Variants in AS3MT observed in about 807,000 individuals in gnomAD.
The protein encoded by AS3MT is S-adenosyl-L-methionine:arsenic(III) methyltransferase.
AS3MT carries 47 observed loss-of-function variants against 45.3 expected under a neutral mutation model. The observed-to-expected ratio is 1.04, with a 90% confidence interval of 0.82 to 1.32. AS3MT has a LOEUF of 1.32. AS3MT is among the 40% of genes most tolerant of loss of function. AS3MT has a pLI of 0.00. For synonymous variants in AS3MT, 141 were observed against 152.8 expected (o/e 0.92, Z 0.57); for missense variants, 396 against 451.1 (o/e 0.88, Z 1.11).
intron 5 of AS3MT, among the ~76,000 whole-genome samples, chr10:102,873,921 G>T (rs1384206430): frequency 2.0e-5 from 3 of 152,170 alleles, no homozygotes; most frequent in Admixed American, 1.3e-4. Context: ...AGTGACAGCT[G>T]CCTTTGAGGA....
intron 4 of AS3MT, 27 bp downstream of exon 4, chr10:102,872,625 G>A: frequency 6.4e-7 from 1 of 1,569,186 alleles, no homozygotes. Context: ...AAGACAAGGA[G>A]AAAAAGATTC....
In AS3MT at chr10:102,892,904, C is replaced by T. The variant is rs542030120; in HGVS notation, c.1020+2226C>T. 3.6e-3 allele frequency among the ~76,000 whole-genome samples: 542 copies of T among 151,666 alleles called. 3 individuals carry two copies. Among genetic ancestry groups the T allele is most frequent in the African/African-American group, 0.013 (525 of 41,366 alleles). On this transcript the variant is annotated intron_variant, in intron 10 of 10. Transcript: ENST00000369880. ...CTGAGGCAGGAGAATTGCTTGAGCCCGGGAGGCGGAGGTTGCAATGAGACG... is the reference window on the plus strand; with the variant it reads ...CTGAGGCAGGAGAATTGCTTGAGCCTGGGAGGCGGAGGTTGCAATGAGACG...
Position 102,872,460 on chromosome 10 carries a change from T to C in AS3MT, c.183T>C (p.Cys61=), listed in dbSNP as rs80317306. ...HEEVALRYYG[C]GLVIPEHLEN... ...TTCCATTTCCCAGATATTATGGCTG[T>C]GGTCTGGTGATCCCTGAGCATCTAG... Residue 61 remains cysteine (C), a synonymous_variant, in exon 4 of 11, where the codon TGT becomes TGC. Transcript: ENST00000369880. The C allele has an allele frequency of 6.2e-7, 1 of 1,613,344 alleles. No homozygotes were observed. The highest frequency in any genetic ancestry group is 8.5e-7 in the Non-Finnish European group (1 of 1,179,878).
intron 3 of AS3MT, among the ~76,000 whole-genome samples, chr10:102,872,186 G>A (rs1442435507): frequency 6.6e-6 from 1 of 152,132 alleles, no homozygotes; most frequent in Non-Finnish European, 1.5e-5. Context: ...CGCCCAGCCT[G>A]AACACATTAT....
intron 2 of AS3MT, 36 bp from the exon 3 acceptor site, chr10:102,870,048 C>T (rs773551995): frequency 3.7e-6 from 6 of 1,610,616 alleles, no homozygotes; most frequent in Middle Eastern, 3.3e-4. Flanking sequence ...TCTTCTCCCT[C>T]TCTACCCCTC....
chr10:102,875,020 G>A (rs1339427561), intron 6 of AS3MT, among the ~76,000 whole-genome samples: 1 of 152,152 alleles, frequency 6.6e-6, no homozygotes, highest in Admixed American at 6.6e-5. Flanking sequence ...CTTCTAGCAT[G>A]TACAGTGTTT....
chr10:102,879,853 A>G (rs1844846640), intron 9 of AS3MT, among the ~76,000 whole-genome samples: 1 of 151,340 alleles, frequency 6.6e-6, no homozygotes. Context: ...CCTATATTTC[A>G]GCAATTGAGA....
rs1186595873 is a variant in AS3MT at position 102,876,946 on chromosome 10, T to G, written c.529-8T>G. 3 of 1,613,932 alleles carry G rather than the reference T, an allele frequency of 1.9e-6. No homozygotes were observed. The highest frequency in any genetic ancestry group is 1.7e-4 in the Middle Eastern group (1 of 6,060). On this transcript the variant is annotated splice_region_variant and splice_polypyrimidine_tract_variant and intron_variant, in intron 6 of 10. Coordinates refer to ENST00000369880, the MANE Select transcript of AS3MT (RefSeq NM_020682.4). ...CATCTTGTTTGGACTAATATGCCTC[T>G]GTTTCAGCATGGTGGGGAGTTATAT...
Position 102,900,708 on chromosome 10 carries a change from G to A in AS3MT, c.*8G>A. 6.2e-7 allele frequency: 1 copy of A among 1,607,460 alleles called. No individual in the cohort carries two copies. The highest frequency in any genetic ancestry group is 8.5e-7 in the Non-Finnish European group (1 of 1,174,006). ...ACAAAGAAAAGCTGCTAAATCTATA[G>A]CCAACCAGGGGACCACAGTAGTGGG... On this transcript the variant is annotated 3_prime_UTR_variant, in exon 11 of 11. Transcript: ENST00000369880.
intron 10 of AS3MT, among the ~76,000 whole-genome samples, chr10:102,891,128 C>T (rs2134128257): frequency 2.0e-5 from 3 of 152,298 alleles, no homozygotes; most frequent in Middle Eastern, 6.8e-3. Flanking sequence ...AGCCCACTTG[C>T]CCAACTCCCG....
intron 10 of AS3MT, among the ~76,000 whole-genome samples, chr10:102,896,066 G>A (rs1050997099): frequency 1.3e-5 from 2 of 151,528 alleles, no homozygotes; most frequent in Admixed American, 6.6e-5. Flanking sequence ...ATGAGCCACC[G>A]TGCCCGGCCA....
intron 9 of AS3MT, among the ~76,000 whole-genome samples, chr10:102,889,527 A>G (rs1845023035): frequency 6.6e-6 from 1 of 152,072 alleles, no homozygotes; most frequent in African/African-American, 2.4e-5. Flanking sequence ...TATTGTGATT[A>G]ATGCTGCAGT....
intron 9 of AS3MT, among the ~76,000 whole-genome samples, chr10:102,889,194 C>T (rs1845019017): frequency 6.6e-6 from 1 of 151,822 alleles, no homozygotes; most frequent in Non-Finnish European, 1.5e-5. Context: ...CCGGCCAAAC[C>T]CTATATTTAT....
Position 102,870,106 on chromosome 10 carries a change from A to G in AS3MT, c.65A>G (p.Lys22Arg). The change falls in exon 3 of 11, where the codon AAG becomes AGG. Residue 22 changes from lysine (K) to arginine (R), a missense_variant. Coordinates refer to ENST00000369880, the MANE Select transcript of AS3MT (RefSeq NM_020682.4). ...DVQTYYGQVL[K>R]RSADLQTNGC... Reference sequence around the variant, plus strand: ...CAGACCTACTACGGGCAGGTGCTGAAGAGATCGGCAGACCTCCAGACCAAC... The same window carrying G: ...CAGACCTACTACGGGCAGGTGCTGAGGAGATCGGCAGACCTCCAGACCAAC... The G allele has an allele frequency of 6.2e-7, 1 of 1,614,124 alleles. No individual in the cohort carries two copies. The highest frequency in any genetic ancestry group is 8.5e-7 in the Non-Finnish European group (1 of 1,180,030).
Position 102,900,837 on chromosome 10 carries a change from A to T in AS3MT, c.*137A>T. 1 of 633,768 alleles carries T rather than the reference A, an allele frequency of 1.6e-6. No individual in the cohort carries two copies. The highest frequency in any genetic ancestry group is 2.9e-5 in the East Asian group (1 of 34,024). 39.3% of individuals were successfully genotyped at this position (633,768 alleles called of 1,614,324 possible). ...AGTGGCTCATGCCTATAATCCCAGC[A>T]CTTTGGGAGGCCGAGGCAGGCAGAT... On this transcript the variant is annotated 3_prime_UTR_variant, in exon 11 of 11. Transcript: ENST00000369880.
chr10:102,896,890 C>T (rs959240671), intron 10 of AS3MT, among the ~76,000 whole-genome samples: 4 of 151,498 alleles, frequency 2.6e-5, no homozygotes, highest in Non-Finnish European at 4.4e-5. Flanking sequence ...TTCTGTTGTT[C>T]GAAGAAGGTG....
chr10:102,897,375 C>T (rs574625293), intron 10 of AS3MT, among the ~76,000 whole-genome samples: 9 of 130,544 alleles, frequency 6.9e-5, no homozygotes, highest in Non-Finnish European at 1.5e-4. Flanking sequence ...CAGAGTGAGG[C>T]TCCGTCTCAA....
rs752381804 is a variant in AS3MT at position 102,900,600 on chromosome 10, T to C, written c.1028T>C (p.Ile343Thr). 1.9e-6 allele frequency: 3 copies of C among 1,613,306 alleles called. No individual in the cohort carries two copies. In the African/African-American group the frequency reaches 4.0e-5, roughly 22 times the overall value. Residue 343 changes from isoleucine (I) to threonine (T), a missense_variant, in exon 11 of 11, where the codon ATC becomes ACC. Transcript: ENST00000369880. ...GCSALELKDI[I>T]TDPFKLAEES... Reference sequence around the variant, plus strand: ...TGGTTTGCCTTTTGACAGGATATAATCACAGATCCATTTAAGCTTGCAGAA... The same window carrying C: ...TGGTTTGCCTTTTGACAGGATATAACCACAGATCCATTTAAGCTTGCAGAA...
intron 6 of AS3MT, among the ~76,000 whole-genome samples, chr10:102,874,971 CTT>C (rs1844758865): frequency 6.6e-6 from 1 of 152,180 alleles, no homozygotes; most frequent in Admixed American, 6.6e-5. Context: ...CTATAGGAAT[CTT>C]TGCACTGACT....
Sources: gnomAD v4.1 joint callset for allele counts (sites outside exome capture counted in the v4.1 genomes callset) on GRCh38, gnomAD v4.1.1 for gene constraint, MANE v1.5 for transcripts, NCBI Gene and HGNC (gene_info 2026-07-23, HGNC 2026-07-21) for gene names.